EXOC3: variants seen among roughly 807,000 people sequenced by gnomAD.
EXOC3 encodes the protein SEC6-like 1.
A neutral mutation model predicts 73.7 loss-of-function variants in EXOC3; 21 were observed. That is an observed-to-expected ratio of 0.29 (90% CI 0.20 to 0.41). The LOEUF is 0.41. Among genes scored for constraint, EXOC3 ranks in the 10% least tolerant of loss-of-function variants. The pLI is 1.00. For missense variants in EXOC3, 842 were observed against 985.1 expected (o/e 0.85, Z 1.95); for synonymous variants, 410 against 389.1 (o/e 1.05, Z -0.63).
At chr5:463,652 T>C (rs1738052285) in intron 9 of EXOC3, among the ~76,000 whole-genome samples, 1 of 152,116 alleles carries the variant, frequency 6.6e-6, no homozygotes, top group South Asian at 2.1e-4. Flanking sequence ...ACACTTCTAT[T>C]GGAGTTTTAA....
chr5:465,545 G>A (rs1231458402), intron 11 of EXOC3, among the ~76,000 whole-genome samples, 173 bp from the exon 12 acceptor site: 2 of 152,196 alleles, frequency 1.3e-5, no homozygotes, highest in East Asian at 1.9e-4. Context: ...TGCCTCCCAC[G>A]GTCTCGCCCT....
intron 3 of EXOC3, among the ~76,000 whole-genome samples, chr5:449,333 G>A (rs1045244508): frequency 1.3e-5 from 2 of 152,130 alleles, no homozygotes; most frequent in Non-Finnish European, 2.9e-5. Flanking sequence ...CCATTTTTAA[G>A]TGTACAGTTG....
chr5:449,524 C>G (rs2126574343), intron 3 of EXOC3, among the ~76,000 whole-genome samples: 1 of 152,314 alleles, frequency 6.6e-6, no homozygotes, highest in South Asian at 2.1e-4. Context: ...CTCTGAAGAC[C>G]TCATAGAAGT....
chr5:464,124 G>A (rs556878678), intron 9 of EXOC3, among the ~76,000 whole-genome samples, 166 bp from the exon 10 acceptor site: 3 of 148,790 alleles, frequency 2.0e-5, no homozygotes, highest in African/African-American at 5.0e-5. Context: ...TCCCTCCCAC[G>A]CTGCACGCAG....
intron 9 of EXOC3, 23 bp downstream of exon 9, chr5:462,330 G>A (rs370123001): frequency 1.9e-6 from 3 of 1,613,618 alleles, no homozygotes; most frequent in East Asian, 4.5e-5. Flanking sequence ...CTTTCCTCCT[G>A]CCGTTTTCTG....
chr5:444,763 GCGGGGGTTACCCCTGAGTGGTGGGATTTA>G (rs1488424138), intron 1 of EXOC3, among the ~76,000 whole-genome samples: 1 of 95,908 alleles, frequency 1.0e-5, no homozygotes, highest in African/African-American at 2.7e-5. Flanking sequence ...GTGGGATATA[GCGGGGGTTACCCCTGAGTGGTGGGATTTA>G]CGGGAAGTTG....
chr5:461,137 G>A (rs892472587), intron 7 of EXOC3, among the ~76,000 whole-genome samples: 9 of 150,494 alleles, frequency 6.0e-5, no homozygotes. Flanking sequence ...CTAACACTAT[G>A]AGTTTCTAGG....
In EXOC3 at chr5:464,305, T is replaced by C. The variant is rs377302797; in HGVS notation, c.1669T>C (p.Leu557=). 7.0e-5 allele frequency: 113 copies of C among 1,613,508 alleles called. No individual in the cohort carries two copies. The highest frequency in any genetic ancestry group is 8.0e-5 in the African/African-American group (6 of 74,948). ...FLDLEQHLNE[L]MTKKWLLGSN... ...TGCTTTTCAGCAACATCTGAATGAA[T>C]TGATGACGAAGAAGTGGCTATTAGG... The change falls in exon 10 of 13, where the codon TTG becomes CTG. Residue 557 remains leucine, a synonymous_variant. Coordinates refer to ENST00000512944, the MANE Select transcript of EXOC3 (RefSeq NM_007277.5).
intron 6 of EXOC3, among the ~76,000 whole-genome samples, chr5:458,549 GT>G (rs1278582131): frequency 2.0e-5 from 3 of 152,198 alleles, no homozygotes; most frequent in Non-Finnish European, 4.4e-5. Flanking sequence ...ATTGGTTAAG[GT>G]TCTAAGTATT....
chr5:462,011 G>C lies in EXOC3; in HGVS notation c.1443G>C (p.Gln481His). Residue 481 changes from glutamine to histidine, a missense_variant, in exon 8 of 13, where the codon CAG becomes CAC. Physicochemically the swap from Gln to His is conservative, Grantham distance 24 (BLOSUM62 0). Coordinates refer to ENST00000512944, the MANE Select transcript of EXOC3 (RefSeq NM_007277.5). ...AAGAAGAGCACCTGAGGAATCGGCA[G>C]CACCCTCACTGCTACGTTCAGTACA... is the stretch of plus-strand genomic sequence containing the variant. ...LYKEEHLRNR[Q>H]HPHCYVQYMI... 1.9e-6 allele frequency: 3 copies of C among 1,607,354 alleles called. No homozygotes were observed. The highest frequency in any genetic ancestry group is 1.7e-4 in the Middle Eastern group (1 of 6,052).
At chr5:444,213 CTGTT>C (rs1737436367) in intron 1 of EXOC3, among the ~76,000 whole-genome samples, 2 of 152,244 alleles carry the variant, frequency 1.3e-5, no homozygotes, top group Non-Finnish European at 2.9e-5. Context: ...ACCTGGGTCT[CTGTT>C]TATGGTCTCT....
At chr5:464,232 A>G (rs947512809) in intron 9 of EXOC3, 58 bp from the exon 10 acceptor site, 3 of 1,572,602 alleles carry the variant, frequency 1.9e-6, no homozygotes, top group Non-Finnish European at 2.6e-6. Context: ...TCCCACATGC[A>G]CTCGGCTCTC....
intron 3 of EXOC3, among the ~76,000 whole-genome samples, chr5:451,845 T>G (rs1047782035): frequency 3.3e-5 from 5 of 152,398 alleles, no homozygotes; most frequent in Admixed American, 3.3e-4. Flanking sequence ...TGGTTGACAG[T>G]ATTTTTCTTT....
At chr5:454,868 A>ATTT (rs370854107) in intron 4 of EXOC3, among the ~76,000 whole-genome samples, 10,807 of 110,596 alleles carry the variant, frequency 0.098, 744 homozygotes, top group Admixed American at 0.14. Flanking sequence ...AATAAACCTC[A>ATTT]TTTTTTTTTT....
chr5:462,379 C>A, intron 9 of EXOC3, 72 bp downstream of exon 9: 2 of 1,546,130 alleles, frequency 1.3e-6, no homozygotes, highest in Non-Finnish European at 1.8e-6. Flanking sequence ...CTCTGGGACA[C>A]AGGCTGTGAA....
intron 5 of EXOC3, chr5:457,239 C>T (rs1737845279): frequency 3.7e-6 from 2 of 540,094 alleles, no homozygotes; most frequent in East Asian, 3.2e-5. Flanking sequence ...GAGACGTGAG[C>T]CTGTGCCCTA....
At position 459,436 on chromosome 5, in the gene EXOC3, G is replaced by A; in HGVS notation, c.1368G>A (p.Gln456=). ...LKTKVLVLCL[Q]QMNSFLSRYK... ...CAAAGGTACTAGTTTTATGTCTTCA[G>A]CAGATGAATTCTTTCCTAAGCAGGT... The change falls in exon 7 of 13, where the codon CAG becomes CAA. Residue 456 remains glutamine, a synonymous_variant. Transcript: ENST00000512944. 1 of 1,552,266 alleles carries A rather than the reference G, an allele frequency of 6.4e-7. No homozygotes were observed. The highest frequency in any genetic ancestry group is 8.8e-7 in the Non-Finnish European group (1 of 1,138,154).
chr5:453,244 C>T, intron 3 of EXOC3, 126 bp from the exon 4 acceptor site: 2 of 662,074 alleles, frequency 3.0e-6, no homozygotes, highest in Non-Finnish European at 5.3e-6. Context: ...ACACATCCTG[C>T]CATTGCAGTT....
Position 443,241 on chromosome 5 carries a change from C to CGGCGGCGGG in EXOC3, c.-98_-97insGGGCGGCGG, listed in dbSNP as rs1560933117. 11 of 3,796 alleles carry CGGCGGCGGG rather than the reference C, an allele frequency of 2.9e-3. No individual in the cohort carries two copies. Among genetic ancestry groups the CGGCGGCGGG allele is most frequent in the African/African-American group, 0.015 (11 of 748 alleles). The allele number at this position is 3,796 out of a possible 1,614,324, so 0.2% of individuals were successfully genotyped here. ...GAGGGGGCGGCGGGGGCGGCGGCGG[C>CGGCGGCGGG]GGCGGCGGCGGCGGCGGCGGCGGCG... is the stretch of plus-strand genomic sequence containing the variant. On this transcript the variant is annotated 5_prime_UTR_variant, in exon 1 of 13. Coordinates refer to ENST00000512944, the MANE Select transcript of EXOC3 (RefSeq NM_007277.5).
Sources: allele counts gnomAD v4.1 joint callset (sites outside exome capture counted in the v4.1 genomes callset), GRCh38; gene constraint gnomAD v4.1.1; transcripts MANE v1.5; gene names NCBI Gene and HGNC (gene_info 2026-07-23, HGNC 2026-07-21).